STK31: variants seen among roughly 807,000 people sequenced by gnomAD.
STK31 encodes serine/threonine kinase 31.
STK31 carries 89 observed loss-of-function variants against 129.7 expected under a neutral mutation model. That is an observed-to-expected ratio of 0.69 (90% CI 0.58 to 0.82). The LOEUF is 0.82. Among genes scored for constraint, STK31 ranks in the 40% least tolerant of loss-of-function variants. The pLI is 0.00. For synonymous variants in STK31, 448 were observed against 395.3 expected (o/e 1.13, Z -1.58); for missense variants, 1,187 against 1,176.4 (o/e 1.01, Z -0.13).
intron 20 of STK31, 26 bp from the exon 21 acceptor site, chr7:23,787,954 C>T: frequency 6.7e-7 from 1 of 1,485,974 alleles, no homozygotes; most frequent in Non-Finnish European, 9.0e-7. Flanking sequence ...TACTTCCTCA[C>T]TTCTTTTATG....
intron 15 of STK31, among the ~76,000 whole-genome samples, chr7:23,778,881 G>A (rs1268633646): frequency 6.6e-6 from 1 of 152,022 alleles, no homozygotes; most frequent in Non-Finnish European, 1.5e-5. Flanking sequence ...CGTTGCTGGC[G>A]AGGACTTGTG....
intron 22 of STK31, among the ~76,000 whole-genome samples, chr7:23,793,693 A>C (rs1243106845): frequency 6.6e-6 from 1 of 152,192 alleles, no homozygotes; most frequent in African/African-American, 2.4e-5. Flanking sequence ...AGATACCACT[A>C]TACTACTCAC....
At chr7:23,830,467 A>G (rs189402150) in intron 23 of STK31, among the ~76,000 whole-genome samples, 1 of 152,116 alleles carries the variant, frequency 6.6e-6, no homozygotes, top group African/African-American at 2.4e-5. Context: ...GTTCTAAGAC[A>G]TTTTCTTATT....
intron 20 of STK31, 53 bp from the exon 21 acceptor site, chr7:23,787,926 AG>A: frequency 2.1e-6 from 3 of 1,445,122 alleles, no homozygotes; most frequent in Non-Finnish European, 2.7e-6. Context: ...AACAGTTTCA[AG>A]ATTAAAATGA....
At chr7:23,785,402 G>A (rs1669111000) in intron 17 of STK31, 76 bp from the exon 18 acceptor site, 2 of 1,565,400 alleles carry the variant, frequency 1.3e-6, no homozygotes, top group Non-Finnish European at 1.7e-6. Context: ...TTAATATCGT[G>A]TAACTAATTA....
intron 23 of STK31, among the ~76,000 whole-genome samples, chr7:23,816,794 C>G (rs1173351488): frequency 6.6e-6 from 1 of 152,140 alleles, no homozygotes; most frequent in African/African-American, 2.4e-5. Flanking sequence ...AGTATTCTCT[C>G]TAAAGCAATT....
At chr7:23,827,186 G>A (rs1241748756) in intron 23 of STK31, among the ~76,000 whole-genome samples, 5 of 152,234 alleles carry the variant, frequency 3.3e-5, no homozygotes, top group Admixed American at 3.3e-4. Context: ...ATATGCTGAA[G>A]AGTGTTTTCC....
At position 23,775,736 on chromosome 7, in the gene STK31, C is replaced by T. The variant is rs377085452; in HGVS notation, c.1965+3458C>T. Among the ~76,000 whole-genome samples the T allele has an allele frequency of 2.8e-4, 43 of 152,240 alleles. No homozygotes were observed. The East Asian group carries it at 7.5e-3, about 27-fold the overall frequency. On this transcript the variant is annotated intron_variant, in intron 15 of 23. Coordinates refer to ENST00000355870, the MANE Select transcript of STK31 (RefSeq NM_031414.5). ...AGCTTAAGGAGATTTTGGGCTGAGACGATGGGGTTTTCTAAATATACAATC... is the reference window on the plus strand; with the variant it reads ...AGCTTAAGGAGATTTTGGGCTGAGATGATGGGGTTTTCTAAATATACAATC...
chr7:23,798,948 C>T (rs1584466683), intron 22 of STK31, among the ~76,000 whole-genome samples: 1 of 151,572 alleles, frequency 6.6e-6, no homozygotes, highest in Non-Finnish European at 1.5e-5. Flanking sequence ...CTTATACACC[C>T]GTAACAGACA....
At chr7:23,726,340 C>G (rs1398065971) in intron 4 of STK31, 2 of 139,292 alleles carry the variant, frequency 1.4e-5, no homozygotes, top group Non-Finnish European at 3.0e-5. Context: ...ACAGACTCAT[C>G]TGGTCCCAAG....
chr7:23,832,494 A>G lies in STK31; in HGVS notation c.*128A>G. ...AGTATTCAGGTTGTGAAAAATAAAG[A>G]TGTTTGGCTATGCACAAAATAGTTT... On this transcript the variant is annotated 3_prime_UTR_variant, in exon 24 of 24. Transcript: ENST00000355870. The G allele has an allele frequency of 1.5e-6, 1 of 684,392 alleles. No homozygotes were observed. Among genetic ancestry groups the G allele is most frequent in the Non-Finnish European group, 2.5e-6 (1 of 406,338 alleles). 42.4% of individuals were successfully genotyped at this position (684,392 alleles called of 1,614,324 possible). A position where few individuals can be genotyped will look rare whatever the true frequency, so the allele number is the denominator to read the frequency against.
At chr7:23,828,001 C>T (rs937301666) in intron 23 of STK31, among the ~76,000 whole-genome samples, 3 of 152,142 alleles carry the variant, frequency 2.0e-5, no homozygotes, top group African/African-American at 7.2e-5. Flanking sequence ...TCAGTCCACC[C>T]GTACTGGGGG....
chr7:23,773,900 G>A lies in STK31; in HGVS notation c.1965+1622G>A, dbSNP rs1050059789. Among the ~76,000 whole-genome samples the A allele has an allele frequency of 2.6e-5, 4 of 151,808 alleles. 1 individual carries two copies. In the South Asian group the frequency reaches 8.3e-4, roughly 32 times the overall value. The stretch of plus-strand genomic sequence containing the variant: ...CCCATTAACTAGTCATTTACATTAG[G>A]TATTTCTCCTAATGCTGTCTCTCTC... On this transcript the variant is annotated intron_variant, in intron 15 of 23. Transcript: ENST00000355870.
At chr7:23,782,686 G>A (rs1374038986) in intron 16 of STK31, among the ~76,000 whole-genome samples, 1 of 151,772 alleles carries the variant, frequency 6.6e-6, no homozygotes, top group Non-Finnish European at 1.5e-5. Context: ...CTTTCGTGAG[G>A]GTACTCAATT....
At chr7:23,810,193 C>G (rs561834086) in intron 22 of STK31, among the ~76,000 whole-genome samples, 1 of 152,056 alleles carries the variant, frequency 6.6e-6, no homozygotes, top group South Asian at 2.1e-4. Flanking sequence ...CTAATGTCTA[C>G]TTTGTCTGAT....
At chr7:23,779,755 G>C (rs1169350823) in intron 15 of STK31, among the ~76,000 whole-genome samples, 3 of 152,210 alleles carry the variant, frequency 2.0e-5, no homozygotes, top group South Asian at 2.1e-4. Context: ...CAAGCTAGTG[G>C]ATCTTAGCTT....
rs772924890 is a variant in STK31 at position 23,781,443 on chromosome 7, A to G, written c.1990A>G (p.Ile664Val). The G allele has an allele frequency of 2.0e-5, 32 of 1,611,184 alleles. No individual in the cohort carries two copies. Among genetic ancestry groups the G allele is most frequent in the Non-Finnish European group, 2.5e-5 (30 of 1,179,050 alleles). Residue 664 changes from isoleucine (I) to valine (V), a missense_variant, in exon 16 of 24, where the codon ATT becomes GTT. Ile to Val is a conservative substitution (Grantham distance 29, BLOSUM62 3). This residue lies in a region of STK31 where 975 missense variants were observed against 934.9 expected (regional missense o/e 1.04). Transcript: ENST00000355870. ...EESDDPDGSQ[I>V]EKIKEEITQL... ...GTCAGATGATCCTGATGGCTCTCAA[A>G]TTGAGAAAATAAAAGAAGAAATAAC...
Position 23,762,843 on chromosome 7 carries a change from C to T in STK31, c.1336C>T (p.Gln446Ter), listed in dbSNP as rs908543293. ...ILIAQRNEMQQKLYMSVEDFI... is the reference protein window; with the variant it reads ...ILIAQRNEMQ ...GATTGCCCAAAGAAATGAAATGCAG[C>T]AGAAGCTGTACATGTCAGTAGAAGA... The change falls in exon 11 of 24, where the codon CAG becomes TAG. Residue 446 changes from glutamine to a stop codon, truncating the protein, a stop_gained. Transcript: ENST00000355870. LOFTEE classifies it high-confidence loss of function. 1 of 1,608,202 alleles carries T rather than the reference C, an allele frequency of 6.2e-7. No individual in the cohort carries two copies. Among genetic ancestry groups the T allele is most frequent in the Admixed American group, 1.7e-5 (1 of 58,980 alleles).
Position 23,762,852 on chromosome 7 carries a change from T to G in STK31, c.1345T>G (p.Tyr449Asp). 1 of 1,609,330 alleles carries G rather than the reference T, an allele frequency of 6.2e-7. No homozygotes were observed. The highest frequency in any genetic ancestry group is 1.1e-5 in the South Asian group (1 of 89,578). ...AAGAAATGAAATGCAGCAGAAGCTG[T>G]ACATGTCAGTAGAAGATTTTATTCT... ...AQRNEMQQKL[Y>D]MSVEDFILEV... is the part of the protein sequence containing the mutation. The change falls in exon 11 of 24, where the codon TAC becomes GAC. Residue 449 changes from tyrosine to aspartate, a missense_variant. Around this residue, in one of 5 missense-constraint regions of STK31, gnomAD observed 975 missense variants for 934.9 expected, o/e 1.04. Transcript: ENST00000355870.
Sources: gnomAD v4.1 joint callset for allele counts (sites outside exome capture counted in the v4.1 genomes callset) on GRCh38, gnomAD v4.1.1 for gene constraint, gnomAD v4.1.1 regional missense constraint, MANE v1.5 for transcripts, NCBI Gene and HGNC (gene_info 2026-07-23, HGNC 2026-07-21) for gene names.